The following FCRL6 variants were observed in gnomAD, a reference collection of about 807,000 sequenced individuals.
The protein encoded by FCRL6 is Fc receptor-like protein 6.
Under a neutral mutation model 49.1 loss-of-function variants are expected in FCRL6, and 50 were observed. That is an observed-to-expected ratio of 1.02 (90% confidence interval 0.81 to 1.29). The LOEUF (loss-of-function observed/expected upper bound fraction) is 1.29, where lower values mean the gene tolerates loss of function less well. Ranked by LOEUF, FCRL6 falls within the 50% of genes most tolerant of loss-of-function variation. The pLI is 0.00. For missense variants in FCRL6, 571 were observed against 518.5 expected, an observed-to-expected ratio of 1.10 and a Z score of -0.98; for synonymous variants, 213 against 199.6, an observed-to-expected ratio of 1.07 and a Z score of -0.57.
chr1:159,808,524 G>A (rs191439728), intron 3 of FCRL6, 80 bp downstream of exon 3: 58 of 1,547,548 alleles, frequency 3.7e-5, no homozygotes, highest in East Asian at 6.8e-5. Flanking sequence ...AGCTCTCTGG[G>A]CTGGACCCCT....
rs1191685565 is a variant in FCRL6 at position 159,809,176 on chromosome 1, T to C, written c.535T>C (p.Trp179Arg). 5 of 1,610,114 alleles carry C rather than the reference T, an allele frequency of 3.1e-6. No homozygotes were observed. The highest frequency in any genetic ancestry group is 1.1e-5 in the South Asian group (1 of 90,606). The change falls in exon 4 of 10, where the codon TGG becomes CGG. Residue 179 changes from tryptophan to arginine, a missense_variant. Transcript: ENST00000368106. The part of the protein sequence containing the change: ...GAKEGDSGLY[W>R]CEVAPEGGQV... ...CAAGGAGGGAGACTCTGGGCTTTAC[T>C]GGTGTGAGGTGGCCCCTGAGGGTGG... is the stretch of plus-strand genomic sequence containing the variant.
intron 5 of FCRL6, 111 bp downstream of exon 5, chr1:159,809,794 C>A: frequency 2.1e-6 from 2 of 962,542 alleles, no homozygotes; most frequent in Non-Finnish European, 3.2e-6. Flanking sequence ...CTCATGGCAG[C>A]CACTGCATGA....
rs374359035 is a variant in FCRL6 at position 159,802,378 on chromosome 1, G to C, written c.-47G>C. On this transcript the variant is annotated 5_prime_UTR_variant, in exon 1 of 10. Transcript: ENST00000368106. ...GGTTGCTCTCTGCCGGCTTCGCCCT[G>C]ACCTGTTTCTGACCTGTGTTCCCTC... 68 of 1,611,650 alleles carry C rather than the reference G, an allele frequency of 4.2e-5. No homozygotes were observed. Among genetic ancestry groups the C allele is most frequent in the Non-Finnish European group, 5.4e-5 (64 of 1,178,744 alleles).
chr1:159,808,817 A>G, intron 3 of FCRL6, 144 bp from the exon 4 acceptor site: 1 of 779,370 alleles, frequency 1.3e-6, no homozygotes, highest in East Asian at 2.7e-5. Flanking sequence ...GGGTGAGGGT[A>G]AGAGGACGGG....
chr1:159,815,849 A>C lies in FCRL6; in HGVS notation c.*188A>C. ...TCTTTTCTTAGCAGAAGACCAACCA[A>C]TGGAATGGGAAGGGAGATGCTCCCA... is the stretch of plus-strand genomic sequence containing the variant. On this transcript the variant is annotated 3_prime_UTR_variant, in exon 10 of 10. Transcript: ENST00000368106. 3.3e-6 allele frequency: 2 copies of C among 604,436 alleles called. No individual in the cohort carries two copies. The highest frequency in any genetic ancestry group is 3.0e-5 in the East Asian group (1 of 33,498). 37.4% of individuals were successfully genotyped at this position (604,436 alleles called of 1,614,324 possible).
At chr1:159,813,287 C>T (rs1482381313) in intron 6 of FCRL6, among the ~76,000 whole-genome samples, 14 of 152,152 alleles carry the variant, frequency 9.2e-5, no homozygotes. Context: ...GTTTGTGATT[C>T]CCATGGAGCC....
At chr1:159,810,576 A>C (rs1663033166) in intron 6 of FCRL6, among the ~76,000 whole-genome samples, 1 of 148,666 alleles carries the variant, frequency 6.7e-6, no homozygotes, top group African/African-American at 2.4e-5. Flanking sequence ...AATATGAGCA[A>C]AAAAAAAAAG....
At chr1:159,811,922 T>G (rs1463540622) in intron 6 of FCRL6, among the ~76,000 whole-genome samples, 1 of 152,162 alleles carries the variant, frequency 6.6e-6, no homozygotes, top group Non-Finnish European at 1.5e-5. Context: ...AGTCAAAGCA[T>G]TAAATGCAGA....
At chr1:159,811,689 C>A (rs185735913) in intron 6 of FCRL6, among the ~76,000 whole-genome samples, 82 of 152,288 alleles carry the variant, frequency 5.4e-4, no homozygotes, top group African/African-American at 1.9e-3. Flanking sequence ...TCTCACTAGT[C>A]TTGAGTCTGG....
At chr1:159,806,992 C>T (rs1382068978) in intron 2 of FCRL6, among the ~76,000 whole-genome samples, 4 of 152,182 alleles carry the variant, frequency 2.6e-5, no homozygotes, top group Non-Finnish European at 4.4e-5. Context: ...GCACCTTTTT[C>T]TGCTGATCAG....
chr1:159,814,471 TTCACCTTCACACCA>T (rs1663271772), intron 8 of FCRL6, among the ~76,000 whole-genome samples, 179 bp downstream of exon 8: 2 of 152,020 alleles, frequency 1.3e-5, no homozygotes, highest in Admixed American at 6.6e-5. Context: ...CACTACCACC[TTCACCTTCACACCA>T]TCATCAATGC....
chr1:159,815,451 G>A lies in FCRL6; in HGVS notation c.1171G>A (p.Gly391Arg). The change falls in exon 9 of 10, where the codon GGG becomes AGG. Residue 391 changes from glycine to arginine, a missense_variant. Gly to Arg is a moderately radical substitution (Grantham distance 125, BLOSUM62 -2). Transcript: ENST00000368106. ...SEARSAEFTVGRKDSSIICAE... is the reference protein window; with the variant it reads ...SEARSAEFTVRRKDSSIICAE... The stretch of plus-strand genomic sequence containing the variant: ...AGCCAGGTCTGCTGAGTTCACCGTG[G>A]GGAGAAAGGTGAGCTGGGATCCCTG... 6.2e-7 allele frequency: 1 copy of A among 1,614,020 alleles called. No homozygotes were observed. The highest frequency in any genetic ancestry group is 1.3e-5 in the African/African-American group (1 of 75,018).
At position 159,813,527 on chromosome 1, in the gene FCRL6, G is replaced by A. The variant is rs200500646; in HGVS notation, c.1048G>A (p.Gly350Arg). 1.0e-4 allele frequency: 167 copies of A among 1,614,008 alleles called. No individual in the cohort carries two copies. The highest frequency in any genetic ancestry group is 1.3e-4 in the Non-Finnish European group (157 of 1,179,970). ...PSQIPPTAPG[G>R]EQCPLYANVH... Reference sequence around the variant, plus strand: ...CCAGATACCACCCACAGCTCCAGGTGGAGAGCAGTGCCCACTATATGCCAA... The same window carrying A: ...CCAGATACCACCCACAGCTCCAGGTAGAGAGCAGTGCCCACTATATGCCAA... Residue 350 changes from glycine (G) to arginine (R), a missense_variant, in exon 7 of 10, where the codon GGA becomes AGA. By Grantham distance (125) the Gly-to-Arg change is moderately radical (BLOSUM62 -2). Transcript: ENST00000368106.
chr1:159,808,566 T>C (rs1662866694), intron 3 of FCRL6, 122 bp downstream of exon 3: 6 of 1,268,530 alleles, frequency 4.7e-6, no homozygotes, highest in African/African-American at 1.5e-5. Flanking sequence ...TGGGCCAATG[T>C]GTGGGGCCCC....
intron 1 of FCRL6, among the ~76,000 whole-genome samples, chr1:159,805,809 T>C (rs1394521997): frequency 6.6e-6 from 1 of 152,234 alleles, no homozygotes; most frequent in East Asian, 1.9e-4. Context: ...GTCACTTCCA[T>C]ACCCTTTTTG....
chr1:159,805,005 C>A (rs907117839), intron 1 of FCRL6, among the ~76,000 whole-genome samples: 2 of 152,152 alleles, frequency 1.3e-5, no homozygotes, highest in Non-Finnish European at 2.9e-5. Flanking sequence ...TGTGATATGA[C>A]AGAATGAGAT....
chr1:159,808,509 T>G, intron 3 of FCRL6, 65 bp downstream of exon 3: 1 of 1,586,476 alleles, frequency 6.3e-7, no homozygotes, highest in Non-Finnish European at 8.6e-7. Flanking sequence ...TTTCTAGAGG[T>G]CAGTAGCTCT....
rs375081932 is a variant in FCRL6 at position 159,809,625 on chromosome 1, C to G, written c.828C>G (p.Cys276Trp). 7.4e-6 allele frequency: 12 copies of G among 1,614,182 alleles called. No homozygotes were observed. In the African/African-American group the frequency reaches 1.6e-4, roughly 22 times the overall value. Residue 276 changes from cysteine (C) to tryptophan (W), a missense_variant, in exon 5 of 10, where the codon TGC (cysteine) becomes TGG (tryptophan). By Grantham distance (215) the Cys-to-Trp change is radical (BLOSUM62 -2). Transcript: ENST00000368106. Reference sequence around the variant, plus strand: ...AACAGGATGCTGGGAACTACTCCTGCGAGGCTGAGAACAGTGTCTCCAGAG... The same window carrying G: ...AACAGGATGCTGGGAACTACTCCTGGGAGGCTGAGAACAGTGTCTCCAGAG... ...KSEQDAGNYS[C>W]EAENSVSRER...
intron 2 of FCRL6, 72 bp downstream of exon 2, chr1:159,806,688 C>A: frequency 6.7e-7 from 1 of 1,489,562 alleles, no homozygotes; most frequent in Non-Finnish European, 9.4e-7. Context: ...GGGAACAGGA[C>A]AGTGCCATGG....
Sources: gnomAD v4.1 joint callset for allele counts (sites outside exome capture counted in the v4.1 genomes callset) on GRCh38, gnomAD v4.1.1 for gene constraint, MANE v1.5 for transcripts, NCBI Gene and HGNC (gene_info 2026-07-23, HGNC 2026-07-21) for gene names.